Variants in CCDC7 observed in about 807,000 individuals in gnomAD.
CCDC7 encodes coiled-coil domain-containing protein 7.
Under a neutral mutation model 196.9 loss-of-function variants are expected in CCDC7, and 183 were observed. The ratio of observed to expected loss-of-function variants is 0.93; its 90% CI spans 0.82 to 1.05. The LOEUF (loss-of-function observed/expected upper bound fraction) is 1.05. Among genes scored for constraint, CCDC7 ranks in the 50% least tolerant of loss-of-function variants. The probability of loss-of-function intolerance (pLI) is 0.00; values close to 1 mark genes in which losing one functional copy is unlikely to be tolerated. For synonymous variants in CCDC7, 525 were observed against 484.6 expected (o/e 1.08, Z -1.10); for missense variants, 1,540 against 1,482.2 (o/e 1.04, Z -0.64).
At chr10:32,596,198 C>G (rs1310159580) in intron 18 of CCDC7, among the ~76,000 whole-genome samples, 1 of 152,118 alleles carries the variant, frequency 6.6e-6, no homozygotes, top group Non-Finnish European at 1.5e-5. Context: ...TCAGGACTTG[C>G]TTTATGAATC....
intron 24 of CCDC7, among the ~76,000 whole-genome samples, 159 bp downstream of exon 25, chr10:32,695,151 A>C (rs2077552352): frequency 6.6e-6 from 1 of 152,214 alleles, no homozygotes; most frequent in Non-Finnish European, 1.5e-5. Flanking sequence ...AAAGCCATAT[A>C]ATATTTGGTT....
chr10:32,529,300 A>G (rs1372084151), intron 11 of CCDC7, among the ~76,000 whole-genome samples: 2 of 152,170 alleles, frequency 1.3e-5, no homozygotes, highest in Admixed American at 1.3e-4. Flanking sequence ...GACTACAGGC[A>G]TGAGCCACTG....
chr10:32,778,947 A>G, intron 28 of CCDC7, 30 bp from the exon 30 acceptor site: 1 of 1,498,252 alleles, frequency 6.7e-7, no homozygotes, highest in Non-Finnish European at 9.1e-7. Flanking sequence ...TTTTTAAATC[A>G]ACTACTTTGA....
chr10:32,623,464 G>A (rs1445994929), intron 18 of CCDC7, among the ~76,000 whole-genome samples: 3 of 151,738 alleles, frequency 2.0e-5, no homozygotes, highest in African/African-American at 7.3e-5. Flanking sequence ...TTTCTATTTT[G>A]GATTTCTATT....
chr10:32,512,476 A>T (rs1437425876), intron 9 of CCDC7: 2 of 152,246 alleles, frequency 1.3e-5, no homozygotes, highest in Non-Finnish European at 2.9e-5. Context: ...TTCGTGAATG[A>T]ATTTCAGTGA....
At chr10:32,764,118 A>G (rs964145049) in intron 28 of CCDC7, among the ~76,000 whole-genome samples, 2 of 151,820 alleles carry the variant, frequency 1.3e-5, no homozygotes, top group African/African-American at 4.8e-5. Flanking sequence ...TGTCAGAAGA[A>G]ATTAATCTTG....
intron 28 of CCDC7, among the ~76,000 whole-genome samples, chr10:32,770,635 T>C (rs2079028833): frequency 1.3e-5 from 2 of 152,188 alleles, no homozygotes; most frequent in African/African-American, 4.8e-5. Flanking sequence ...AGTTTATTTG[T>C]TCTAGCATGT....
chr10:32,871,692 T>C (rs2094436672), intron 41 of CCDC7, among the ~76,000 whole-genome samples: 4 of 152,302 alleles, frequency 2.6e-5, no homozygotes, highest in South Asian at 4.1e-4. Flanking sequence ...ATTGTGATGT[T>C]AGGGTGTCCA....
intron 18 of CCDC7, among the ~76,000 whole-genome samples, chr10:32,592,486 C>T (rs1399674900): frequency 6.6e-5 from 10 of 151,858 alleles, no homozygotes; most frequent in Admixed American, 1.3e-4. Flanking sequence ...TTTTTTTGTA[C>T]AACTTTCGCT....
At chr10:32,828,461 AGAAGAGGAAGAG>A (rs1200214324) in intron 32 of CCDC7, among the ~76,000 whole-genome samples, 1 of 70,734 alleles carries the variant, frequency 1.4e-5, no homozygotes, top group South Asian at 5.0e-4. Flanking sequence ...AAGAAGAAGA[AGAAGAGGAAGAG>A]GAAGAGGAAG....
intron 11 of CCDC7, among the ~76,000 whole-genome samples, chr10:32,533,441 C>T (rs944656513): frequency 1.3e-5 from 2 of 152,032 alleles, no homozygotes; most frequent in Non-Finnish European, 2.9e-5. Flanking sequence ...ACCACAGTTG[C>T]AATATAGAGT....
intron 20 of CCDC7, among the ~76,000 whole-genome samples, chr10:32,640,859 A>T (rs535200850): frequency 0.013 from 962 of 72,118 alleles, 18 homozygotes; most frequent in Middle Eastern, 0.069. Context: ...TGGCTTGTAG[A>T]TTTTCTTTTT....
intron 8 of CCDC7, among the ~76,000 whole-genome samples, chr10:32,484,171 C>G (rs182621657): frequency 3.9e-5 from 6 of 152,178 alleles, no homozygotes; most frequent in Admixed American, 3.3e-4. Flanking sequence ...TTTTATTTCA[C>G]TGAGCAGTGG....
intron 32 of CCDC7, among the ~76,000 whole-genome samples, chr10:32,834,436 A>G (rs1039707763): frequency 6.6e-6 from 1 of 152,070 alleles, no homozygotes; most frequent in African/African-American, 2.4e-5. Context: ...ATGTGTTTAA[A>G]AATTATATTC....
At chr10:32,794,603 T>G (rs745367574) in intron 29 of CCDC7, among the ~76,000 whole-genome samples, 6 of 152,200 alleles carry the variant, frequency 3.9e-5, no homozygotes, top group Non-Finnish European at 8.8e-5. Flanking sequence ...TTTTTTTGAC[T>G]TCTTAAAAGT....
intron 25 of CCDC7, among the ~76,000 whole-genome samples, chr10:32,722,870 C>T (rs2082610075): frequency 6.6e-6 from 1 of 152,050 alleles, no homozygotes; most frequent in Admixed American, 6.6e-5. Flanking sequence ...ATGCAATGCT[C>T]CTCTATATCC....
intron 41 of CCDC7, among the ~76,000 whole-genome samples, chr10:32,870,545 C>T (rs372449209): frequency 7.2e-5 from 11 of 152,000 alleles, no homozygotes; most frequent in African/African-American, 9.7e-5. Flanking sequence ...TCTCCAAACA[C>T]GGACAATTTG....
intron 8 of CCDC7, among the ~76,000 whole-genome samples, chr10:32,479,358 A>T (rs1378202518): frequency 6.6e-6 from 1 of 152,066 alleles, no homozygotes. Flanking sequence ...GGCTTGTGAT[A>T]GTTGGCCATT....
intron 29 of CCDC7, among the ~76,000 whole-genome samples, chr10:32,803,835 C>T (rs1356549794): frequency 6.6e-6 from 1 of 151,974 alleles, no homozygotes; most frequent in Admixed American, 6.6e-5. Flanking sequence ...TAATTGGTGG[C>T]TTTTTATATT....
Sources: gnomAD v4.1 joint callset for allele counts (sites outside exome capture counted in the v4.1 genomes callset) on GRCh38, gnomAD v4.1.1 for gene constraint, MANE v1.5 for transcripts, NCBI Gene and HGNC (gene_info 2026-07-23, HGNC 2026-07-21) for gene names.